NLGN1: variants seen among roughly 807,000 people sequenced by gnomAD.
The protein encoded by NLGN1 is neuroligin-1.
NLGN1 carries 12 observed loss-of-function variants against 65.5 expected under a neutral mutation model. The observed-to-expected ratio is 0.18, with a 90% CI of 0.12 to 0.30. The LOEUF (loss-of-function observed/expected upper bound fraction) is 0.30, where lower values mean the gene tolerates loss of function less well. Ranked by LOEUF, NLGN1 falls within the 10% of genes least tolerant of loss-of-function variation. The probability of loss-of-function intolerance (pLI) is 1.00; values close to 1 mark genes in which losing one functional copy is unlikely to be tolerated. For missense variants in NLGN1, 750 were observed against 1,007.1 expected (o/e 0.74, Z 3.46); for synonymous variants, 350 against 359.5 (o/e 0.97, Z 0.30).
At chr3:174,270,886 A>G (rs946050031) in intron 4 of NLGN1, among the ~76,000 whole-genome samples, 2 of 151,830 alleles carry the variant, frequency 1.3e-5, no homozygotes, top group African/African-American at 4.8e-5. Context: ...TATGTTTAAG[A>G]TGCAAAGTCC....
chr3:174,138,013 C>T (rs6777593), intron 4 of NLGN1, among the ~76,000 whole-genome samples: 2,401 of 152,088 alleles, frequency 0.016, 42 homozygotes, highest in Admixed American at 0.046. Context: ...CCATTTGACT[C>T]GAAGTTAGAA....
At chr3:174,018,908 A>C (rs891174066) in intron 4 of NLGN1, among the ~76,000 whole-genome samples, 1 of 152,192 alleles carries the variant, frequency 6.6e-6, no homozygotes, top group Non-Finnish European at 1.5e-5. Context: ...CAAGCCAATA[A>C]AAATGCAAAT....
intron 4 of NLGN1, among the ~76,000 whole-genome samples, chr3:174,040,305 G>T (rs903782724): frequency 2.0e-5 from 3 of 152,138 alleles, no homozygotes; most frequent in African/African-American, 7.2e-5. Context: ...TGAGGTCAAG[G>T]ACATCCTTCA....
intron 5 of NLGN1, 28 bp from the exon 6 acceptor site, chr3:174,278,833 C>A (rs370943923): frequency 2.1e-6 from 3 of 1,461,442 alleles, no homozygotes; most frequent in East Asian, 2.4e-5. Flanking sequence ...CAAAGATCAT[C>A]TAAAATTCTT....
intron 2 of NLGN1, among the ~76,000 whole-genome samples, chr3:173,468,359 G>A (rs1724727945): frequency 6.6e-6 from 1 of 151,938 alleles, no homozygotes; most frequent in Admixed American, 6.6e-5. Flanking sequence ...CTTCTGGGAT[G>A]GTATATATAA....
chr3:173,782,744 T>G (rs1375837313), intron 3 of NLGN1, among the ~76,000 whole-genome samples: 2 of 151,416 alleles, frequency 1.3e-5, no homozygotes, highest in Non-Finnish European at 2.9e-5. Context: ...TTTAAAATGG[T>G]ATGAGAATTT....
At chr3:173,891,646 A>C (rs1459408236) in intron 4 of NLGN1, among the ~76,000 whole-genome samples, 1 of 152,078 alleles carries the variant, frequency 6.6e-6, no homozygotes, top group Non-Finnish European at 1.5e-5. Flanking sequence ...CCATTTGCCA[A>C]CCTCCCTAGC....
At chr3:174,093,247 A>G (rs1576831954) in intron 4 of NLGN1, among the ~76,000 whole-genome samples, 1 of 152,340 alleles carries the variant, frequency 6.6e-6, no homozygotes, top group South Asian at 2.1e-4. Flanking sequence ...AAGAATTAAG[A>G]TATCTATCTG....
rs1745148779 is a variant in NLGN1, at chr3:174,094,746, T to TAACAAAAAAAA, written c.647-180567_647-180566insCAAAAAAAAAA. ...CCTGCTCATTGTTCCTTGGCTCCGC[T>TAACAAAAAAAA]AAAAAAAAAAAAAAAAAAAAAAAGT... On this transcript the variant is annotated intron_variant, in intron 4 of 6. Coordinates refer to ENST00000457714, the Ensembl canonical transcript of NLGN1. Among the ~76,000 whole-genome samples the TAACAAAAAAAA allele has an allele frequency of 3.4e-5, 3 of 88,908 alleles. 1 individual carries two copies. The South Asian group carries it at 1.4e-3, about 40-fold the overall frequency. The allele number at this position is 88,908 out of a possible 152,430, so 58.3% of individuals were successfully genotyped here.
At chr3:173,864,577 CA>C (rs1313383904) in intron 4 of NLGN1, among the ~76,000 whole-genome samples, 1 of 152,168 alleles carries the variant, frequency 6.6e-6, no homozygotes, top group Non-Finnish European at 1.5e-5. Context: ...TTTGCCTTCT[CA>C]AAAACATTCT....
intron 3 of NLGN1, among the ~76,000 whole-genome samples, chr3:173,775,484 A>G (rs1021981243): frequency 1.3e-5 from 2 of 151,044 alleles, no homozygotes; most frequent in Non-Finnish European, 3.0e-5. Context: ...TTTTTTTCCC[A>G]CCATACGATT....
chr3:173,805,043 TTAAAA>T (rs1240171301), intron 3 of NLGN1, among the ~76,000 whole-genome samples: 1 of 152,060 alleles, frequency 6.6e-6, no homozygotes, highest in Non-Finnish European at 1.5e-5. Context: ...AAAAATTAAA[TTAAAA>T]TAAAGCCTAA....
At chr3:173,570,429 A>G (rs916686483) in intron 2 of NLGN1, among the ~76,000 whole-genome samples, 1 of 152,214 alleles carries the variant, frequency 6.6e-6, no homozygotes, top group African/African-American at 2.4e-5. Context: ...ATTCACAACC[A>G]TGTGATCTGG....
intron 2 of NLGN1, among the ~76,000 whole-genome samples, chr3:173,459,218 G>T (rs533751224): frequency 6.6e-6 from 1 of 152,082 alleles, no homozygotes; most frequent in South Asian, 2.1e-4. Context: ...GCTCAACTCA[G>T]TTAGTTAAAA....
intron 4 of NLGN1, among the ~76,000 whole-genome samples, chr3:174,108,407 T>A (rs1714447969): frequency 2.6e-5 from 4 of 152,204 alleles, no homozygotes; most frequent in Middle Eastern, 3.4e-3. Flanking sequence ...CTCCCTGGTA[T>A]TTCCAGGTAC....
intron 3 of NLGN1, among the ~76,000 whole-genome samples, chr3:173,609,567 A>T (rs1407998156): frequency 6.6e-6 from 1 of 151,960 alleles, no homozygotes; most frequent in Non-Finnish European, 1.5e-5. Context: ...TTAAGACTCT[A>T]AAAGGGGATT....
At chr3:173,462,834 C>T (rs1187795619) in intron 2 of NLGN1, among the ~76,000 whole-genome samples, 2 of 152,146 alleles carry the variant, frequency 1.3e-5, no homozygotes, top group African/African-American at 4.8e-5. Context: ...GAGAACTTGA[C>T]AGTACCAAAC....
At chr3:173,796,703 T>C (rs1405244378) in intron 3 of NLGN1, among the ~76,000 whole-genome samples, 1 of 152,110 alleles carries the variant, frequency 6.6e-6, no homozygotes, top group Non-Finnish European at 1.5e-5. Flanking sequence ...TCATTTGCTT[T>C]ATATTTTGGT....
At chr3:173,418,438 G>A (rs1469669091) in intron 1 of NLGN1, among the ~76,000 whole-genome samples, 11 of 152,030 alleles carry the variant, frequency 7.2e-5, no homozygotes, top group Non-Finnish European at 1.5e-5. Flanking sequence ...TTCCTAAGGT[G>A]CCTTCCATAA....
Sources: allele counts gnomAD v4.1 joint callset (sites outside exome capture counted in the v4.1 genomes callset), GRCh38; gene constraint gnomAD v4.1.1; transcripts MANE v1.5; gene names NCBI Gene and HGNC (gene_info 2026-07-23, HGNC 2026-07-21).